LRBA: variants seen among roughly 807,000 people sequenced by gnomAD.
LRBA encodes lipopolysaccharide-responsive and beige-like anchor protein.
Under a neutral mutation model 330.0 loss-of-function variants are expected in LRBA, and 176 were observed. The observed-to-expected ratio is 0.53, with a 90% confidence interval of 0.47 to 0.60. The LOEUF is 0.60. LRBA is among the 20% of genes least tolerant of loss of function. The probability of loss-of-function intolerance (pLI) is 0.00; values close to 1 mark genes in which losing one functional copy is unlikely to be tolerated. For synonymous variants in LRBA, 1,230 were observed against 1,193.0 expected, an observed-to-expected ratio of 1.03 and a Z score of -0.64; for missense variants, 3,259 against 3,444.8, an observed-to-expected ratio of 0.95 and a Z score of 1.35.
intron 22 of LRBA, among the ~76,000 whole-genome samples, chr4:150,865,461 C>A (rs1752552278): frequency 6.6e-6 from 1 of 152,150 alleles, no homozygotes; most frequent in African/African-American, 2.4e-5. Flanking sequence ...ACACTTAGGC[C>A]ATGGCTAGCT....
intron 36 of LRBA, among the ~76,000 whole-genome samples, chr4:150,691,086 T>C (rs914916626): frequency 1.3e-5 from 2 of 151,898 alleles, no homozygotes; most frequent in African/African-American, 2.4e-5. Context: ...CCTGCCACCA[T>C]GCCCAGCTAA....
At chr4:150,477,319 G>C (rs979872491) in intron 42 of LRBA, among the ~76,000 whole-genome samples, 1 of 152,152 alleles carries the variant, frequency 6.6e-6, no homozygotes, top group Admixed American at 6.6e-5. Flanking sequence ...ATAAAGAACA[G>C]CCTAAGACGG....
In LRBA at chr4:150,467,723, A is replaced by T; in HGVS notation, c.6730T>A (p.Ser2244Thr). 6.2e-7 allele frequency: 1 copy of T among 1,610,118 alleles called. No individual in the cohort carries two copies. Among genetic ancestry groups the T allele is most frequent in the Non-Finnish European group, 8.5e-7 (1 of 1,177,380 alleles). The stretch of plus-strand genomic sequence containing the variant: ...GGCAAGGTAAGATCCAGTTCTTCTG[A>T]TTCATAATTAGTGATGACCCAAGGA... ...VFPWVITNYE[S>T]EELDLTLPTN... Residue 2244 changes from serine (S) to threonine (T), a missense_variant, in exon 44 of 57, where the codon TCA becomes ACA. Transcript: ENST00000651943.
intron 35 of LRBA, among the ~76,000 whole-genome samples, chr4:150,746,930 T>C (rs559253277): frequency 2.6e-5 from 4 of 152,318 alleles, no homozygotes; most frequent in African/African-American, 9.6e-5. Context: ...TGAGTCTTAC[T>C]ATTCTTGCCC....
chr4:150,707,021 A>C (rs976316014), intron 36 of LRBA, among the ~76,000 whole-genome samples: 5 of 151,804 alleles, frequency 3.3e-5, no homozygotes, highest in African/African-American at 1.2e-4. Flanking sequence ...ATTAAGTTTA[A>C]AAAGCAAAAT....
intron 46 of LRBA, among the ~76,000 whole-genome samples, chr4:150,425,314 C>A (rs892250605): frequency 6.6e-5 from 10 of 152,152 alleles, no homozygotes; most frequent in African/African-American, 2.4e-4. Flanking sequence ...GATAAGTAAA[C>A]AACACTGACA....
At chr4:150,737,474 C>T (rs752631977) in intron 35 of LRBA, among the ~76,000 whole-genome samples, 7 of 139,044 alleles carry the variant, frequency 5.0e-5, no homozygotes, top group African/African-American at 8.0e-5. Context: ...AATGAACAAA[C>T]GAATGAACGA....
At chr4:150,386,437 GC>G (rs1399505188) in intron 47 of LRBA, among the ~76,000 whole-genome samples, 3 of 117,874 alleles carry the variant, frequency 2.5e-5, no homozygotes. Flanking sequence ...CCTCCAAGAG[GC>G]CCCAGTGTGT....
intron 31 of LRBA, among the ~76,000 whole-genome samples, chr4:150,816,698 TATAA>T (rs1405370267): frequency 1.3e-5 from 2 of 151,998 alleles, no homozygotes; most frequent in East Asian, 1.9e-4. Context: ...TTGGACACTA[TATAA>T]ATATTTTTTT....
intron 22 of LRBA, among the ~76,000 whole-genome samples, chr4:150,861,270 G>GGTGTGTGTGTGTGTGTGTGTGTGT (rs35115144): frequency 1.2e-3 from 165 of 137,876 alleles, no homozygotes; most frequent in African/African-American, 4.4e-3. Context: ...CCCAGCTAAT[G>GGTGTGTGTGTGTGTGTGTGTGTGT]GTGTGTGTGT....
At chr4:150,536,882 A>G (rs1764708653) in intron 40 of LRBA, among the ~76,000 whole-genome samples, 1 of 152,206 alleles carries the variant, frequency 6.6e-6, no homozygotes, top group Non-Finnish European at 1.5e-5. Context: ...GGAGGAATTA[A>G]TATCATTAAA....
chr4:150,562,122 T>A (rs1042090978), intron 40 of LRBA, among the ~76,000 whole-genome samples: 3 of 152,034 alleles, frequency 2.0e-5, no homozygotes, highest in Non-Finnish European at 4.4e-5. Flanking sequence ...TCACACAGTA[T>A]CTCCTGAGCT....
At chr4:150,738,305 T>C (rs945663154) in intron 35 of LRBA, among the ~76,000 whole-genome samples, 2 of 152,142 alleles carry the variant, frequency 1.3e-5, no homozygotes, top group African/African-American at 2.4e-5. Context: ...TCTGACAGAC[T>C]TATGACTAAA....
At chr4:150,479,099 T>C (rs1292223988) in intron 42 of LRBA, among the ~76,000 whole-genome samples, 4 of 151,734 alleles carry the variant, frequency 2.6e-5, no homozygotes, top group African/African-American at 7.3e-5. Context: ...GCCTGGACAA[T>C]GGAGCAAGAC....
Position 150,852,751 on chromosome 4 carries a change from T to C in LRBA, c.2959A>G (p.Thr987Ala), listed in dbSNP as rs1366424648. The C allele has an allele frequency of 6.2e-7, 1 of 1,613,946 alleles. No individual in the cohort carries two copies. The highest frequency in any genetic ancestry group is 8.5e-7 in the Non-Finnish European group (1 of 1,179,892). ...ATACTTGAATTTTCATTACCATTTG[T>C]GGTGAAATGAGGACAGACAGGAGAA... ...KDSPVCPHFT[T>A]NGNENSSIEK... is the part of the protein sequence containing the mutation. Residue 987 changes from threonine (T) to alanine (A), a missense_variant, in exon 23 of 57, where the codon ACA becomes GCA. Transcript: ENST00000651943.
chr4:150,852,519 G>T lies in LRBA; in HGVS notation c.3191C>A (p.Ser1064Tyr). 1 of 1,613,752 alleles carries T rather than the reference G, an allele frequency of 6.2e-7. No homozygotes were observed. Among genetic ancestry groups the T allele is most frequent in the Non-Finnish European group, 8.5e-7 (1 of 1,179,944 alleles). Residue 1064 changes from serine (S) to tyrosine (Y), a missense_variant, in exon 23 of 57, where the codon TCT (serine) becomes TAT (tyrosine). Ser to Tyr is a moderately radical substitution (Grantham distance 144, BLOSUM62 -2). Transcript: ENST00000651943. Reference protein sequence around the residue: ...IIEAVAISSNSFITTGKDSMT... With the variant: ...IIEAVAISSNYFITTGKDSMT... ...TGAATCTTTGCCAGTTGTTATAAAA[G>T]AATTAGAGGAAATAGCCACAGCTTC...
intron 35 of LRBA, among the ~76,000 whole-genome samples, chr4:150,757,986 T>G (rs544461076): frequency 1.3e-5 from 2 of 152,312 alleles, no homozygotes; most frequent in East Asian, 3.9e-4. Flanking sequence ...AAGGGTACTA[T>G]GAAAATGATA....
At chr4:150,540,214 T>C (rs560957696) in intron 40 of LRBA, among the ~76,000 whole-genome samples, 36 of 152,338 alleles carry the variant, frequency 2.4e-4, no homozygotes, top group African/African-American at 8.4e-4. Flanking sequence ...GATGGGTTTT[T>C]ATGGGTGTTG....
intron 53 of LRBA, among the ~76,000 whole-genome samples, chr4:150,293,750 G>T (rs544862590): frequency 6.6e-6 from 1 of 152,230 alleles, no homozygotes; most frequent in South Asian, 2.1e-4. Flanking sequence ...GAACTGTATG[G>T]GTCTACTCAT....
Sources: allele counts gnomAD v4.1 joint callset (sites outside exome capture counted in the v4.1 genomes callset), GRCh38; gene constraint gnomAD v4.1.1; transcripts MANE v1.5; gene names NCBI Gene and HGNC (gene_info 2026-07-23, HGNC 2026-07-21).